The following PACRG variants were observed in gnomAD, a reference collection of about 807,000 sequenced individuals.
PACRG encodes parkin coregulated gene protein.
In PACRG, 29 loss-of-function variants were observed where a neutral mutation model predicts 29.7. That is an observed-to-expected ratio of 0.98 (90% CI 0.73 to 1.33). The LOEUF (loss-of-function observed/expected upper bound fraction) is 1.33, where lower values mean the gene tolerates loss of function less well. PACRG is among the 40% of genes most tolerant of loss of function. The pLI, the probability that PACRG is intolerant of heterozygous loss-of-function variation, is 0.00. For missense variants in PACRG, 279 were observed against 316.2 expected, an observed-to-expected ratio of 0.88 and a Z score of 0.89; for synonymous variants, 116 against 118.7, an observed-to-expected ratio of 0.98 and a Z score of 0.15.
intron 4 of PACRG, among the ~76,000 whole-genome samples, chr6:163,147,017 A>G (rs62427620): frequency 0.016 from 2,422 of 152,290 alleles, 44 homozygotes; most frequent in Admixed American, 0.067. Context: ...GATGCTATCA[A>G]TTCTCTTCTA....
chr6:162,817,826 G>A (rs1351005357), intron 2 of PACRG, among the ~76,000 whole-genome samples: 1 of 151,998 alleles, frequency 6.6e-6, no homozygotes, highest in Non-Finnish European at 1.5e-5. Flanking sequence ...GAAAAAACGG[G>A]ACTCATCTGT....
At chr6:163,253,343 T>TA (rs1782984288) in intron 4 of PACRG, among the ~76,000 whole-genome samples, 1 of 147,900 alleles carries the variant, frequency 6.8e-6, no homozygotes, top group Non-Finnish European at 1.5e-5. Context: ...TCAGAAAATG[T>TA]AAAAAAATAG....
intron 4 of PACRG, among the ~76,000 whole-genome samples, chr6:163,117,769 G>C (rs1256722093): frequency 6.9e-6 from 1 of 145,350 alleles, no homozygotes; most frequent in Non-Finnish European, 1.5e-5. Context: ...AAAAAAAAAA[G>C]TTTCTAATGA....
intron 4 of PACRG, among the ~76,000 whole-genome samples, chr6:163,314,280 C>G (rs1336329466): frequency 1.3e-5 from 2 of 152,202 alleles, no homozygotes; most frequent in Admixed American, 1.3e-4. Context: ...AAGCAGCTTC[C>G]TCCTGTCCCA....
intron 3 of PACRG, among the ~76,000 whole-genome samples, chr6:163,086,121 A>G (rs1813536212): frequency 6.6e-6 from 1 of 152,148 alleles, no homozygotes; most frequent in African/African-American, 2.4e-5. Context: ...CTTTGAAAGA[A>G]TATCAACTGC....
chr6:162,750,046 T>C (rs1397870120), intron 1 of PACRG, among the ~76,000 whole-genome samples: 1 of 152,220 alleles, frequency 6.6e-6, no homozygotes, highest in Non-Finnish European at 1.5e-5. Context: ...GATTACCCAA[T>C]GTGTACTGAT....
intron 4 of PACRG, chr6:163,101,457 A>G (rs899158547): frequency 2.2e-6 from 2 of 915,284 alleles, no homozygotes; most frequent in Non-Finnish European, 2.6e-6. Context: ...ATGATAAACA[A>G]TCACCTAACC....
intron 2 of PACRG, among the ~76,000 whole-genome samples, chr6:162,839,834 C>T (rs1036582135): frequency 6.6e-6 from 1 of 150,446 alleles, no homozygotes; most frequent in African/African-American, 2.4e-5. Flanking sequence ...TTCCCAGCAC[C>T]ATTTATTAAA....
At chr6:162,839,367 G>GT (rs1441021163) in intron 2 of PACRG, among the ~76,000 whole-genome samples, 303 of 129,844 alleles carry the variant, frequency 2.3e-3, no homozygotes, top group African/African-American at 8.6e-3. Flanking sequence ...TTTTTCATGT[G>GT]TTTTTTGGCT....
intron 1 of PACRG, among the ~76,000 whole-genome samples, chr6:162,813,114 G>T (rs1787021892): frequency 6.6e-6 from 1 of 151,576 alleles, no homozygotes; most frequent in Admixed American, 6.6e-5. Flanking sequence ...TGTATTGTAT[G>T]TTTATTTATT....
At chr6:163,122,286 T>TACACACACACACAC (rs57013650) in intron 4 of PACRG, among the ~76,000 whole-genome samples, 19,022 of 150,976 alleles carry the variant, frequency 0.13, 1,300 homozygotes, top group Non-Finnish European at 0.14. Flanking sequence ...TTAACGCATT[T>TACACACACACACAC]ACACACACAC....
intron 2 of PACRG, among the ~76,000 whole-genome samples, chr6:163,032,826 A>G (rs1807793797): frequency 1.3e-5 from 2 of 152,212 alleles, no homozygotes; most frequent in African/African-American, 4.8e-5. Context: ...ACCATAAGGT[A>G]AGATTCTTAT....
At chr6:162,856,132 A>G (rs999940704) in intron 2 of PACRG, among the ~76,000 whole-genome samples, 11 of 152,062 alleles carry the variant, frequency 7.2e-5, no homozygotes, top group Admixed American at 3.9e-4. Context: ...TTACAGCTCA[A>G]TGCGGCCTCG....
At chr6:162,893,044 C>T (rs114048262) in intron 2 of PACRG, among the ~76,000 whole-genome samples, 1 of 152,014 alleles carries the variant, frequency 6.6e-6, no homozygotes, top group East Asian at 1.9e-4. Flanking sequence ...ACCACGTCAG[C>T]CTCAGGAGCC....
At chr6:162,947,595 C>A (rs59531716) in intron 2 of PACRG, among the ~76,000 whole-genome samples, 1 of 27,994 alleles carries the variant, frequency 3.6e-5, no homozygotes, top group African/African-American at 1.1e-4. Context: ...TATATATAAT[C>A]ATATATATAT....
intron 2 of PACRG, among the ~76,000 whole-genome samples, chr6:162,852,005 G>GGAAGGAAGGAAGGA (rs1562663902): frequency 9.7e-4 from 113 of 116,108 alleles, no homozygotes; most frequent in Middle Eastern, 4.5e-3. Flanking sequence ...GGGAGGGAGG[G>GGAAGGAAGGAAGGA]AGGAAGGAAG....
Position 162,735,126 on chromosome 6 carries a change from T to G in PACRG, c.156+6735T>G, listed in dbSNP as rs941639665. On this transcript the variant is annotated intron_variant, in intron 1 of 4. Coordinates refer to ENST00000366888, the MANE Select transcript of PACRG (RefSeq NM_001080379.2). ...AGTATTTTCTTGGATATACCATAAT[T>G]TATTTATCCATCGCTTCCTCGATGG... Among the ~76,000 whole-genome samples the G allele has an allele frequency of 6.6e-5, 10 of 152,196 alleles. No homozygotes were observed. The East Asian group carries it at 1.9e-3, about 29-fold the overall frequency.
intron 1 of PACRG, among the ~76,000 whole-genome samples, chr6:162,785,684 A>G (rs1015595300): frequency 3.9e-5 from 6 of 152,202 alleles, no homozygotes; most frequent in Non-Finnish European, 7.3e-5. Flanking sequence ...GATCCCTTGC[A>G]TGTGCAGTTT....
intron 2 of PACRG, among the ~76,000 whole-genome samples, chr6:162,873,448 G>A (rs1793004150): frequency 6.6e-6 from 1 of 152,160 alleles, no homozygotes; most frequent in Admixed American, 6.5e-5. Flanking sequence ...ATCTATTGCT[G>A]TAGGTCAGCA....
Sources: allele counts gnomAD v4.1 joint callset (sites outside exome capture counted in the v4.1 genomes callset), GRCh38; gene constraint gnomAD v4.1.1; transcripts MANE v1.5; gene names NCBI Gene and HGNC (gene_info 2026-07-23, HGNC 2026-07-21).